The following RBFOX1 variants were observed in gnomAD, a reference collection of about 807,000 sequenced individuals.
The protein encoded by RBFOX1 is RNA binding fox-1 homolog 1.
In RBFOX1, 8 loss-of-function variants were observed where a neutral mutation model predicts 57.7. The observed-to-expected ratio is 0.14, with a 90% CI of 0.08 to 0.25. The LOEUF is 0.25. Ranked by LOEUF, RBFOX1 falls within the 10% of genes least tolerant of loss-of-function variation. The probability of loss-of-function intolerance (pLI) is 1.00; values close to 1 mark genes in which losing one functional copy is unlikely to be tolerated. For missense variants in RBFOX1, 611 were observed against 548.5 expected, an observed-to-expected ratio of 1.11 and a Z score of -1.14; for synonymous variants, 326 against 222.4, an observed-to-expected ratio of 1.47 and a Z score of -4.15.
chr16:7,331,313 G>A (rs781440949), intron 4 of RBFOX1, among the ~76,000 whole-genome samples: 1 of 152,176 alleles, frequency 6.6e-6, no homozygotes, highest in Non-Finnish European at 1.5e-5. Context: ...CCTGTTTAGA[G>A]TGAGCAGTGG....
Position 7,223,708 on chromosome 16 carries a change from T to G in RBFOX1, c.27+171610T>G, listed in dbSNP as rs1243200855. On this transcript the variant is annotated intron_variant, in intron 4 of 15. Transcript: ENST00000550418. ...ATTCCCCACTATATGCCGTCAGTGT[T>G]TCAGAAAAAAAAAAAAAAAAAAAGA... Among the ~76,000 whole-genome samples the G allele has an allele frequency of 9.5e-5, 11 of 115,296 alleles. No individual in the cohort carries two copies. In the Admixed American group the frequency reaches 1.1e-3, roughly 11 times the overall value. 75.6% of individuals were successfully genotyped at this position (115,296 alleles called of 152,430 possible). A position where few individuals can be genotyped will look rare whatever the true frequency, so the allele number is the denominator to read the frequency against.
intron 3 of RBFOX1, among the ~76,000 whole-genome samples, chr16:5,839,070 C>T (rs1490270174): frequency 1.3e-5 from 2 of 152,180 alleles, no homozygotes; most frequent in African/African-American, 4.8e-5. Flanking sequence ...CTCCAAAGCA[C>T]AGGAGAACAC....
At chr16:7,063,105 C>G (rs911287159) in intron 4 of RBFOX1, among the ~76,000 whole-genome samples, 1 of 151,924 alleles carries the variant, frequency 6.6e-6, no homozygotes, top group African/African-American at 2.4e-5. Context: ...TGAATCGGCG[C>G]TGACTTTATG....
chr16:6,414,031 C>T (rs570371552), intron 2 of RBFOX1, among the ~76,000 whole-genome samples: 4 of 152,270 alleles, frequency 2.6e-5, no homozygotes, highest in East Asian at 1.9e-4. Flanking sequence ...GATCGTTCCG[C>T]GCAAACACAG....
chr16:5,871,552 C>G (rs141317623), intron 4 of RBFOX1, among the ~76,000 whole-genome samples: 7 of 152,268 alleles, frequency 4.6e-5, no homozygotes, highest in African/African-American at 1.7e-4. Flanking sequence ...TATCGTCACG[C>G]AGCTTGCCCT....
At chr16:6,082,387 A>C (rs66747217) in intron 1 of RBFOX1, among the ~76,000 whole-genome samples, 25,836 of 63,534 alleles carry the variant, frequency 0.41, 4,842 homozygotes, top group African/African-American at 0.6. Context: ...GATTTTTAGT[A>C]GTCATGGGGT....
At chr16:6,920,904 T>G (rs1233890264) in intron 3 of RBFOX1, among the ~76,000 whole-genome samples, 1 of 152,200 alleles carries the variant, frequency 6.6e-6, no homozygotes, top group Non-Finnish European at 1.5e-5. Context: ...TATCAGGGAT[T>G]AGGACTTGGA....
intron 3 of RBFOX1, among the ~76,000 whole-genome samples, chr16:5,817,965 C>A (rs531930959): frequency 6.6e-6 from 1 of 151,798 alleles, no homozygotes; most frequent in Non-Finnish European, 1.5e-5. Context: ...GCTGGGATTA[C>A]GGGCGTGAGC....
At chr16:5,712,453 A>T (rs1362570968) in intron 3 of RBFOX1, among the ~76,000 whole-genome samples, 2 of 152,318 alleles carry the variant, frequency 1.3e-5, no homozygotes, top group African/African-American at 2.4e-5. Context: ...ATCTGATTCC[A>T]AAGGTTTGGC....
chr16:7,028,184 A>T (rs1021574269), intron 3 of RBFOX1, among the ~76,000 whole-genome samples: 1 of 152,140 alleles, frequency 6.6e-6, no homozygotes, highest in Non-Finnish European at 1.5e-5. Flanking sequence ...TTGAAGAAGG[A>T]TAGATAGACT....
chr16:7,101,546 G>T (rs1014761588), intron 4 of RBFOX1, among the ~76,000 whole-genome samples: 45 of 152,046 alleles, frequency 3.0e-4, no homozygotes, highest in African/African-American at 1.0e-3. Flanking sequence ...TTCACAGAGA[G>T]GGGGCAGATC....
intron 3 of RBFOX1, among the ~76,000 whole-genome samples, chr16:6,708,175 C>G (rs1226320315): frequency 6.6e-6 from 1 of 152,100 alleles, no homozygotes; most frequent in Non-Finnish European, 1.5e-5. Context: ...GACTTTTCCC[C>G]TTGTTTCTTA....
intron 1 of RBFOX1, among the ~76,000 whole-genome samples, chr16:5,297,609 C>T (rs996110079): frequency 6.6e-6 from 1 of 152,016 alleles, no homozygotes; most frequent in Non-Finnish European, 1.5e-5. Flanking sequence ...GAGTTGAGTT[C>T]TTTATATGTT....
chr16:5,997,335 C>T (rs908846573), intron 4 of RBFOX1, among the ~76,000 whole-genome samples: 3 of 152,150 alleles, frequency 2.0e-5, no homozygotes, highest in African/African-American at 7.2e-5. Context: ...TAATTGTATT[C>T]TGTTGTCTAG....
chr16:6,173,799 G>A (rs986081081), intron 1 of RBFOX1, among the ~76,000 whole-genome samples: 1 of 151,832 alleles, frequency 6.6e-6, no homozygotes, highest in Non-Finnish European at 1.5e-5. Flanking sequence ...CAGTAGAGAT[G>A]GGTTTTTGCC....
At position 7,460,370 on chromosome 16, in the gene RBFOX1, AATAT is replaced by A. The variant is rs879898472; in HGVS notation, c.28-57760_28-57757del. Among the ~76,000 whole-genome samples the A allele has an allele frequency of 3.4e-4, 26 of 76,034 alleles. 4 individuals carry two copies. Among genetic ancestry groups the A allele is most frequent in the African/African-American group, 3.4e-4 (5 of 14,712 alleles). 49.9% of individuals were successfully genotyped at this position (76,034 alleles called of 152,430 possible). On this transcript the variant is annotated intron_variant, in intron 4 of 15. Transcript: ENST00000550418. ...ATGATTTGCCTTAATCATTTAGCAA[AATAT>A]ATATATATATATATATGTGTGTGTG... is the stretch of plus-strand genomic sequence containing the variant.
At chr16:5,318,558 A>C (rs1325003741) in intron 1 of RBFOX1, among the ~76,000 whole-genome samples, 1 of 151,316 alleles carries the variant, frequency 6.6e-6, no homozygotes, top group South Asian at 2.1e-4. Context: ...TAGAAATAAG[A>C]GCAACCTATT....
intron 1 of RBFOX1, among the ~76,000 whole-genome samples, chr16:5,260,503 A>G (rs1161947775): frequency 6.6e-6 from 1 of 152,210 alleles, no homozygotes; most frequent in Non-Finnish European, 1.5e-5. Context: ...GAACTGGTCA[A>G]CTCAGATAAA....
chr16:5,539,758 A>C (rs2044857216), intron 2 of RBFOX1, among the ~76,000 whole-genome samples: 1 of 152,228 alleles, frequency 6.6e-6, no homozygotes. Context: ...GGGCCATATG[A>C]AAGAAACTAA....
Sources: gnomAD v4.1 joint callset for allele counts (sites outside exome capture counted in the v4.1 genomes callset) on GRCh38, gnomAD v4.1.1 for gene constraint, MANE v1.5 for transcripts, NCBI Gene and HGNC (gene_info 2026-07-23, HGNC 2026-07-21) for gene names.